AOPEP: variants seen among roughly 807,000 people sequenced by gnomAD.
The protein encoded by AOPEP is aminopeptidase O.
A neutral mutation model predicts 98.1 loss-of-function variants in AOPEP; 77 were observed. That is an observed-to-expected ratio of 0.78 (90% CI 0.65 to 0.95). AOPEP has a LOEUF of 0.95. Ranked by LOEUF, AOPEP falls within the 40% of genes least tolerant of loss-of-function variation. The pLI, the probability that AOPEP is intolerant of heterozygous loss-of-function variation, is 0.00. For missense variants in AOPEP, 1,024 were observed against 1,024.7 expected, an observed-to-expected ratio of 1.00 and a Z score of 0.01; for synonymous variants, 346 against 365.3, an observed-to-expected ratio of 0.95 and a Z score of 0.60.
At chr9:95,005,049 C>T in intron 11 of AOPEP, 109 bp from the exon 12 acceptor site, 4 of 405,152 alleles carry the variant, frequency 9.9e-6, no homozygotes, top group Non-Finnish European at 1.0e-5. Context: ...GCTGCGTCCT[C>T]CCCGGCCGCG....
chr9:94,969,415 CTTT>C (rs574235712), intron 10 of AOPEP, among the ~76,000 whole-genome samples: 1 of 139,672 alleles, frequency 7.2e-6, no homozygotes. Context: ...AACATAATTT[CTTT>C]TTTTTTTTTT....
Position 95,087,045 on chromosome 9 carries a change from A to AT in AOPEP, c.*369dup. ...CACATGGCTGGATGCGGATATTTCT[A>AT]TAATTCCAGAAAGTCACACAGCTCC... On this transcript the variant is annotated 3_prime_UTR_variant, in exon 17 of 17. Coordinates refer to ENST00000375315, the MANE Select transcript of AOPEP (RefSeq NM_001193329.3). The AT allele has an allele frequency of 1.4e-6, 1 of 701,966 alleles. No homozygotes were observed. Among genetic ancestry groups the AT allele is most frequent in the South Asian group, 6.3e-5 (1 of 15,758 alleles). 43.5% of individuals were successfully genotyped at this position (701,966 alleles called of 1,614,324 possible). A position where few individuals can be genotyped will look rare whatever the true frequency, so the allele number is the denominator to read the frequency against.
chr9:95,125,180 G>T, the AOPEP span: 19 of 1,613,504 alleles, frequency 1.2e-5, no homozygotes, highest in South Asian at 2.1e-4. Context: ...TTCCAGGAGT[G>T]CACACCTGAA....
At chr9:95,143,298 C>A in the AOPEP span, among the ~76,000 whole-genome samples, 393 of 152,270 alleles carry the variant, frequency 2.6e-3, 2 homozygotes, top group Non-Finnish European at 4.5e-3. Flanking sequence ...GCTATTTGAA[C>A]CCCACAGTTT....
intron 5 of AOPEP, among the ~76,000 whole-genome samples, chr9:94,820,916 C>A (rs1412899283): frequency 6.6e-6 from 1 of 152,138 alleles, no homozygotes; most frequent in East Asian, 1.9e-4. Context: ...TTATTTAGGT[C>A]TAAGACCTTG....
At chr9:94,851,430 A>G (rs541749964) in intron 5 of AOPEP, among the ~76,000 whole-genome samples, 49 of 152,296 alleles carry the variant, frequency 3.2e-4, no homozygotes, top group Non-Finnish European at 6.2e-4. Flanking sequence ...GTCAGTATGC[A>G]TAGGTAATTA....
chr9:94,940,963 C>T (rs2056950038), intron 7 of AOPEP, among the ~76,000 whole-genome samples: 1 of 151,784 alleles, frequency 6.6e-6, no homozygotes, highest in Admixed American at 6.6e-5. Flanking sequence ...GAATGTTCAA[C>T]AAGTTAATTT....
chr9:94,792,673 A>G, intron 3 of AOPEP, 92 bp from the exon 4 acceptor site: 1 of 1,263,524 alleles, frequency 7.9e-7, no homozygotes, highest in Non-Finnish European at 1.1e-6. Flanking sequence ...AGCTTATCAC[A>G]AAAGCTCTTC....
chr9:95,036,509 T>G (rs2133466566), intron 13 of AOPEP, among the ~76,000 whole-genome samples: 1 of 152,218 alleles, frequency 6.6e-6, no homozygotes, highest in South Asian at 2.1e-4. Context: ...TTTTAAAAGT[T>G]TCCTTACTTT....
chr9:95,095,794 C>T, the AOPEP span, among the ~76,000 whole-genome samples: 1 of 151,926 alleles, frequency 6.6e-6, no homozygotes, highest in African/African-American at 2.4e-5. Context: ...CCCTTCCTCC[C>T]TCCAAAGGAC....
intron 7 of AOPEP, among the ~76,000 whole-genome samples, chr9:94,944,032 A>G (rs1001456330): frequency 2.6e-5 from 4 of 152,038 alleles, no homozygotes; most frequent in African/African-American, 9.7e-5. Flanking sequence ...ATTGGCTATC[A>G]GGAAATACAA....
intron 11 of AOPEP, among the ~76,000 whole-genome samples, chr9:94,987,427 T>C (rs1003872439): frequency 1.3e-5 from 2 of 152,166 alleles, no homozygotes; most frequent in African/African-American, 4.8e-5. Flanking sequence ...AGTGTGCCTG[T>C]TTGAACAGCA....
rs537230650 is a variant in AOPEP at position 94,771,288 on chromosome 9, T to C, written c.798-1714T>C. Among the ~76,000 whole-genome samples, 23 of 152,164 alleles carry C rather than the reference T, an allele frequency of 1.5e-4. No individual in the cohort carries two copies. In the South Asian group the frequency reaches 4.2e-3, roughly 28 times the overall value. On this transcript the variant is annotated intron_variant, in intron 2 of 16. Transcript: ENST00000375315. ...GGTGCTTATTGAACAGAACAGACAA[T>C]AGAAGTCACTACCTGCTCCCCGCTT...
chr9:95,079,294 A>G (rs1255663539), intron 14 of AOPEP, among the ~76,000 whole-genome samples: 1 of 152,258 alleles, frequency 6.6e-6, no homozygotes, highest in Non-Finnish European at 1.5e-5. Flanking sequence ...AGGTCAGTGG[A>G]TAATGATGTC....
Position 95,086,903 on chromosome 9 carries a change from C to T in AOPEP, c.*226C>T, listed in dbSNP as rs916477588. On this transcript the variant is annotated 3_prime_UTR_variant, in exon 17 of 17. Coordinates refer to ENST00000375315, the MANE Select transcript of AOPEP (RefSeq NM_001193329.3). Reference sequence around the variant, plus strand: ...CAGCCTCCCTCCCTGGAGGCTGCCTCCTGCCCTGGATCTGGAGTGGAGCTG... The same window carrying T: ...CAGCCTCCCTCCCTGGAGGCTGCCTTCTGCCCTGGATCTGGAGTGGAGCTG... 1.0e-6 allele frequency: 1 copy of T among 987,690 alleles called. No individual in the cohort carries two copies. The highest frequency in any genetic ancestry group is 1.7e-5 in the African/African-American group (1 of 57,276). 61.2% of individuals were successfully genotyped at this position (987,690 alleles called of 1,614,324 possible).
At chr9:94,880,485 G>GC (rs917064415) in intron 5 of AOPEP, among the ~76,000 whole-genome samples, 23 of 150,630 alleles carry the variant, frequency 1.5e-4, no homozygotes, top group Non-Finnish European at 3.4e-4. Flanking sequence ...TCCCACCTCA[G>GC]CCCCCAGAGT....
At chr9:94,928,161 T>C (rs1049106588) in intron 6 of AOPEP, among the ~76,000 whole-genome samples, 4 of 151,958 alleles carry the variant, frequency 2.6e-5, no homozygotes, top group Admixed American at 6.6e-5. Flanking sequence ...TGTGTGTCGG[T>C]GGGATGGGTG....
chr9:94,998,367 T>C (rs2061365358), intron 11 of AOPEP, among the ~76,000 whole-genome samples: 1 of 152,116 alleles, frequency 6.6e-6, no homozygotes, highest in Admixed American at 6.5e-5. Flanking sequence ...AGTCTGTATA[T>C]GGAAGCACTT....
chr9:94,734,354 T>C (rs1831262915), intron 1 of AOPEP, among the ~76,000 whole-genome samples: 1 of 152,026 alleles, frequency 6.6e-6, no homozygotes, highest in Non-Finnish European at 1.5e-5. Context: ...TGGTGCAGTG[T>C]AGGAAGTGGG....
Sources: gnomAD v4.1 joint callset for allele counts (sites outside exome capture counted in the v4.1 genomes callset) on GRCh38, gnomAD v4.1.1 for gene constraint, MANE v1.5 for transcripts, NCBI Gene and HGNC (gene_info 2026-07-23, HGNC 2026-07-21) for gene names.